EPS15: variants seen among roughly 807,000 people sequenced by gnomAD.
EPS15 encodes epidermal growth factor receptor pathway substrate 15.
In EPS15, 72 loss-of-function variants were observed where a neutral mutation model predicts 113.8. The observed-to-expected ratio is 0.63, with a 90% CI of 0.52 to 0.77. The LOEUF is 0.77. EPS15 is among the 30% of genes least tolerant of loss of function. The pLI is 0.00. For synonymous variants in EPS15, 344 were observed against 363.4 expected (o/e 0.95, Z 0.61); for missense variants, 1,048 against 1,045.8 (o/e 1.00, Z -0.03).
chr1:51,396,671 C>A (rs1015118970), intron 20 of EPS15, among the ~76,000 whole-genome samples: 1 of 152,088 alleles, frequency 6.6e-6, no homozygotes, highest in Non-Finnish European at 1.5e-5. Flanking sequence ...GTGCAACCAC[C>A]CTAAAAGGCC....
intron 16 of EPS15, among the ~76,000 whole-genome samples, chr1:51,404,468 G>A (rs1648905245): frequency 6.6e-6 from 1 of 151,904 alleles, no homozygotes; most frequent in African/African-American, 2.4e-5. Context: ...TTTTGCGCTT[G>A]AAAGAATATT....
chr1:51,458,611 C>T, intron 8 of EPS15: 1 of 427,678 alleles, frequency 2.3e-6, no homozygotes, highest in Non-Finnish European at 4.7e-6. Context: ...GTGGTGCATG[C>T]CTGTAATCCC....
chr1:51,400,487 G>A (rs1648406596), intron 19 of EPS15, among the ~76,000 whole-genome samples: 1 of 151,942 alleles, frequency 6.6e-6, no homozygotes, highest in Admixed American at 6.6e-5. Context: ...TTGAGCCCAG[G>A]AGTTCGAGAC....
chr1:51,377,937 C>T (rs1646842188), intron 21 of EPS15, among the ~76,000 whole-genome samples: 1 of 150,864 alleles, frequency 6.6e-6, no homozygotes, highest in African/African-American at 2.4e-5. Flanking sequence ...CTCTTGTTGC[C>T]CAGGCTGGAG....
chr1:51,499,237 A>G (rs185355370), intron 1 of EPS15, among the ~76,000 whole-genome samples: 3 of 152,238 alleles, frequency 2.0e-5, no homozygotes, highest in African/African-American at 7.2e-5. Flanking sequence ...ATATAAAAAC[A>G]AACATAATAT....
At chr1:51,473,796 CT>C in intron 2 of EPS15, among the ~76,000 whole-genome samples, 1 of 152,246 alleles carries the variant, frequency 6.6e-6, no homozygotes, top group Middle Eastern at 3.4e-3. Flanking sequence ...ACAAAGCATT[CT>C]AGACAGTCCA....
chr1:51,488,314 TATTC>T (rs1644161871), intron 1 of EPS15, among the ~76,000 whole-genome samples: 1 of 152,050 alleles, frequency 6.6e-6, no homozygotes, highest in South Asian at 2.1e-4. Flanking sequence ...AGCAATTATA[TATTC>T]ATTACCTATA....
intron 21 of EPS15, among the ~76,000 whole-genome samples, chr1:51,380,532 G>A (rs1409416324): frequency 1.3e-5 from 2 of 151,966 alleles, no homozygotes; most frequent in Admixed American, 6.6e-5. Context: ...TAATCTCCAT[G>A]AAACACAGAG....
intron 21 of EPS15, among the ~76,000 whole-genome samples, chr1:51,376,826 G>C (rs1327037377): frequency 6.6e-6 from 1 of 152,176 alleles, no homozygotes; most frequent in Admixed American, 6.5e-5. Context: ...AAATCAAGGA[G>C]TAATTTTGAC....
At chr1:51,429,482 A>G (rs1199131597) in intron 12 of EPS15, among the ~76,000 whole-genome samples, 1 of 152,112 alleles carries the variant, frequency 6.6e-6, no homozygotes, top group Non-Finnish European at 1.5e-5. Flanking sequence ...ATAATAAAAA[A>G]TTAATGAAAA....
intron 1 of EPS15, among the ~76,000 whole-genome samples, chr1:51,511,161 C>T (rs926124456): frequency 5.9e-5 from 9 of 151,468 alleles, no homozygotes; most frequent in South Asian, 2.1e-4. Flanking sequence ...GCCAGACCTC[C>T]GCCTCAAAAA....
intron 12 of EPS15, among the ~76,000 whole-genome samples, chr1:51,426,831 CTCTCTCTA>C (rs1651238016): frequency 7.2e-6 from 1 of 139,806 alleles, no homozygotes; most frequent in African/African-American, 2.9e-5. Context: ...CTCTCTCTCT[CTCTCTCTA>C]TATATATATA....
intron 2 of EPS15, among the ~76,000 whole-genome samples, chr1:51,478,323 T>C (rs1288238824): frequency 2.0e-5 from 3 of 152,408 alleles, no homozygotes; most frequent in Admixed American, 6.5e-5. Context: ...TCTTCATCCA[T>C]CCCTTTATTT....
chr1:51,479,370 G>T (rs946375125), intron 2 of EPS15, among the ~76,000 whole-genome samples: 74 of 152,214 alleles, frequency 4.9e-4, no homozygotes, highest in African/African-American at 1.8e-3. Context: ...TTTTTTCAAG[G>T]ATTTTAGCTT....
intron 1 of EPS15, chr1:51,518,326 G>A (rs1256051472): frequency 1.3e-5 from 2 of 152,558 alleles, no homozygotes; most frequent in East Asian, 3.9e-4. Flanking sequence ...AGGGAAGCTC[G>A]AGAACAGGTT....
intron 12 of EPS15, 32 bp downstream of exon 12, chr1:51,440,315 A>T (rs752018881): frequency 6.5e-6 from 4 of 611,220 alleles, no homozygotes; most frequent in Non-Finnish European, 8.4e-6. Context: ...GTGTGTGTGT[A>T]TGTGAGTAGG....
chr1:51,509,249 A>ATTTTTTTTTTTTTTTTT (rs1644576877), intron 1 of EPS15, among the ~76,000 whole-genome samples: 4 of 152,064 alleles, frequency 2.6e-5, no homozygotes, highest in African/African-American at 9.7e-5. Flanking sequence ...ATATAATTTC[A>ATTTTTTTTTTTTTTTTT]TATTTTTTAT....
intron 1 of EPS15, among the ~76,000 whole-genome samples, chr1:51,507,848 C>A (rs1236989529): frequency 6.6e-6 from 1 of 151,930 alleles, no homozygotes; most frequent in African/African-American, 2.4e-5. Flanking sequence ...ATGCATGTTC[C>A]AAGTTTTCTT....
At chr1:51,483,437 G>GTGTC (rs1481941520) in intron 1 of EPS15, among the ~76,000 whole-genome samples, 1 of 148,670 alleles carries the variant, frequency 6.7e-6, no homozygotes, top group Non-Finnish European at 1.5e-5. Flanking sequence ...GTGTGTGTGT[G>GTGTC]TGTCTCATAC....
Sources: allele counts gnomAD v4.1 joint callset (sites outside exome capture counted in the v4.1 genomes callset), GRCh38; gene constraint gnomAD v4.1.1; transcripts MANE v1.5; gene names NCBI Gene and HGNC (gene_info 2026-07-23, HGNC 2026-07-21).